The following BCOR variants were observed in gnomAD, a reference collection of about 807,000 sequenced individuals.
BCOR encodes the protein BCL6 corepressor.
A neutral mutation model predicts 86.7 loss-of-function variants in BCOR; 10 were observed. The ratio of observed to expected loss-of-function variants is 0.12; its 90% CI spans 0.07 to 0.20. The LOEUF is 0.20. Ranked by LOEUF, BCOR falls within the 10% of genes least tolerant of loss-of-function variation. The pLI is 1.00. For synonymous variants in BCOR, 611 were observed against 609.0 expected (o/e 1.00, Z -0.05); for missense variants, 1,259 against 1,452.1 (o/e 0.87, Z 2.16).
intron 1 of BCOR, among the ~76,000 whole-genome samples, chrX:40,110,905 G>C (rs1403912719): frequency 1.0e-4 from 11 of 107,986 alleles, no homozygotes; most frequent in African/African-American, 3.7e-4. Flanking sequence ...TAGAGACGGG[G>C]TTTCACCATG....
chrX:40,175,946 T>C (rs112777173), intron 1 of BCOR, among the ~76,000 whole-genome samples: 5,829 of 112,649 alleles, frequency 0.052, 381 homozygotes, highest in African/African-American at 0.18. Flanking sequence ...CTTTTCCAGG[T>C]TTCGGACCTG....
chrX:40,133,131 CT>C (rs1265187919), intron 1 of BCOR, among the ~76,000 whole-genome samples: 1,438 of 108,751 alleles, frequency 0.013, 20 homozygotes, highest in African/African-American at 0.046. Flanking sequence ...TCTTTTTTTT[CT>C]TTTTTTCTTT....
intron 4 of BCOR, 52 bp downstream of exon 4, chrX:40,072,297 T>G (rs1363785279): frequency 8.7e-7 from 1 of 1,146,545 alleles, no homozygotes; most frequent in African/African-American, 1.8e-5. Flanking sequence ...TGTTTACACA[T>G]TAAAAAACTG....
chrX:40,174,863 T>C (rs765757786), intron 1 of BCOR, among the ~76,000 whole-genome samples: 6 of 113,129 alleles, frequency 5.3e-5, no homozygotes, highest in African/African-American at 1.9e-4. Flanking sequence ...TTCTAATTGA[T>C]TCAACGTGTA....
intron 1 of BCOR, among the ~76,000 whole-genome samples, chrX:40,171,496 T>TGG (rs10708196): frequency 6.3e-5 from 4 of 63,880 alleles, no homozygotes; most frequent in African/African-American, 1.4e-4. Context: ...TTAATCCCCA[T>TGG]GGGGGGGGGG....
intron 1 of BCOR, among the ~76,000 whole-genome samples, chrX:40,153,472 C>T (rs1214113522): frequency 8.9e-6 from 1 of 111,992 alleles, no homozygotes; most frequent in South Asian, 3.7e-4. Flanking sequence ...TGAGCAAAAG[C>T]AAATCTGTCG....
chrX:40,100,160 T>G (rs1244962204), upstream of BCOR, among the ~76,000 whole-genome samples: 1 of 113,151 alleles, frequency 8.8e-6, no homozygotes, highest in Non-Finnish European at 1.9e-5. Flanking sequence ...TTGTGTGTTG[T>G]GGCAACATTT....
chrX:40,170,455 A>G (rs1171799476), intron 1 of BCOR, among the ~76,000 whole-genome samples: 4 of 109,898 alleles, frequency 3.6e-5, no homozygotes, highest in Non-Finnish European at 7.6e-5. Context: ...GGTTCAAGCA[A>G]TTCTGCCTCA....
At chrX:40,117,261 C>G (rs776099588) in intron 1 of BCOR, among the ~76,000 whole-genome samples, 94 of 111,523 alleles carry the variant, frequency 8.4e-4, no homozygotes, top group Non-Finnish European at 1.6e-3. Flanking sequence ...CTGAAAGCGT[C>G]CCAGGTGTCA....
intron 1 of BCOR, among the ~76,000 whole-genome samples, chrX:40,084,775 G>C (rs1602182838): frequency 1.0e-5 from 1 of 100,466 alleles, no homozygotes; most frequent in African/African-American, 3.9e-5. Context: ...GCTATCATTA[G>C]TATACACAGG....
At chrX:40,062,073 G>A (rs1370343230) in intron 10 of BCOR, 66 bp downstream of exon 10, 7 of 1,146,047 alleles carry the variant, frequency 6.1e-6, no homozygotes, top group Admixed American at 2.6e-5. Flanking sequence ...CCCTCCCCTC[G>A]CCCACCACAG....
intron 6 of BCOR, 36 bp downstream of exon 6, chrX:40,070,937 G>A (rs757778990): frequency 1.7e-6 from 2 of 1,192,818 alleles, no homozygotes; most frequent in South Asian, 1.8e-5. Context: ...AACCGGACCT[G>A]AGGCCAACAC....
intron 7 of BCOR, 119 bp downstream of exon 7, chrX:40,064,217 C>T (rs1334065754): frequency 9.4e-6 from 10 of 1,062,162 alleles, no homozygotes; most frequent in Non-Finnish European, 1.3e-5. Flanking sequence ...CCCACGGCTT[C>T]CCCTCACCGA....
chrX:40,115,776 C>CAA (rs745934686), intron 1 of BCOR, among the ~76,000 whole-genome samples: 1 of 51,112 alleles, frequency 2.0e-5, no homozygotes. Flanking sequence ...GACTGTGTCT[C>CAA]AAAAAAAAAA....
chrX:40,077,403 T>A (rs1157229136), intron 2 of BCOR: 1 of 151,679 alleles, frequency 6.6e-6, no homozygotes, highest in Non-Finnish European at 1.3e-5. Flanking sequence ...CAGGCGCCAG[T>A]GGCCTCTGGG....
chrX:40,139,468 T>TATATATATATAATATATATAC (rs1937833289), intron 1 of BCOR, among the ~76,000 whole-genome samples: 1 of 6,863 alleles, frequency 1.5e-4, no homozygotes, highest in East Asian at 2.7e-3. Flanking sequence ...TATATATATA[T>TATATATATATAATATATATAC]ATATATATAT....
chrX:40,073,955 G>A lies in BCOR; in HGVS notation c.1391C>T (p.Thr464Met), dbSNP rs749999323. The A allele has an allele frequency of 5.1e-5, 62 of 1,210,999 alleles. No homozygotes were observed. The highest frequency in any genetic ancestry group is 7.0e-5 in the South Asian group (4 of 56,917). Residue 464 changes from threonine (T) to methionine (M), a missense_variant, in exon 4 of 15, where the codon ACG becomes ATG. Coordinates refer to ENST00000378444, the MANE Select transcript of BCOR (RefSeq NM_001123385.2). The stretch of plus-strand genomic sequence containing the variant: ...TCCAGCCCTGCTGTGAACCAGGACC[G>A]TGGGAGCCATCTTTTTCATGTGGTC... ...KADHMKKMAP[T>M]VLVHSRAGSG...
chrX:40,052,571 TTTTTTTTTTTG>T (rs1479691427), intron 14 of BCOR, among the ~76,000 whole-genome samples, 171 bp from the exon 15 acceptor site: 33 of 62,801 alleles, frequency 5.3e-4, no homozygotes, highest in African/African-American at 2.2e-3. Flanking sequence ...TTTTTTTTTT[TTTTTTTTTTTG>T]GAGACGGAAT....
At chrX:40,063,096 T>TG in intron 8 of BCOR, 25 bp from the exon 9 acceptor site, 1 of 496,341 alleles carries the variant, frequency 2.0e-6, no homozygotes, top group East Asian at 1.3e-4. Flanking sequence ...GGTGACGGGG[T>TG]GGCGGGCGGA....
Sources: gnomAD v4.1 joint callset for allele counts (sites outside exome capture counted in the v4.1 genomes callset) on GRCh38, gnomAD v4.1.1 for gene constraint, MANE v1.5 for transcripts, NCBI Gene and HGNC (gene_info 2026-07-23, HGNC 2026-07-21) for gene names.